Variants in EYA1 observed in about 807,000 individuals in gnomAD.
EYA1 encodes EYA transcriptional coactivator and phosphatase 1, also known as protein phosphatase EYA1.
In EYA1, 16 loss-of-function variants were observed where a neutral mutation model predicts 82.0. That is an observed-to-expected ratio of 0.20 (90% CI 0.13 to 0.30). EYA1 has a LOEUF of 0.30. Among genes scored for constraint, EYA1 ranks in the 10% least tolerant of loss-of-function variants. The probability of loss-of-function intolerance (pLI) is 1.00; values close to 1 mark genes in which losing one functional copy is unlikely to be tolerated. For synonymous variants in EYA1, 261 were observed against 264.4 expected, an observed-to-expected ratio of 0.99 and a Z score of 0.12; for missense variants, 633 against 730.7, an observed-to-expected ratio of 0.87 and a Z score of 1.54.
intron 9 of EYA1, among the ~76,000 whole-genome samples, chr8:71,283,337 C>G (rs537817813): frequency 3.9e-5 from 6 of 152,322 alleles, no homozygotes; most frequent in African/African-American, 9.6e-5. Flanking sequence ...AAACAGTTTA[C>G]CTGCCCTAAC....
chr8:71,466,520 G>A (rs1808781017), intron 2 of EYA1, among the ~76,000 whole-genome samples: 1 of 152,030 alleles, frequency 6.6e-6, no homozygotes, highest in Admixed American at 6.6e-5. Context: ...ACGAGAATAA[G>A]AATAACATGC....
intron 3 of EYA1, among the ~76,000 whole-genome samples, chr8:71,346,431 A>AATATTTAT (rs1825716746): frequency 1.9e-5 from 2 of 105,500 alleles, no homozygotes; most frequent in Admixed American, 2.4e-4. Context: ...TACTGCAGTG[A>AATATTTAT]ATATATATAT....
chr8:71,230,052 T>C (rs1811011255), intron 12 of EYA1, among the ~76,000 whole-genome samples: 2 of 152,040 alleles, frequency 1.3e-5, no homozygotes, highest in Non-Finnish European at 1.5e-5. Flanking sequence ...TGAGCCCAAA[T>C]AGAGGCCCTA....
intron 17 of EYA1, chr8:71,204,205 T>G (rs1192241349): frequency 6.6e-6 from 1 of 152,214 alleles, no homozygotes; most frequent in Non-Finnish European, 1.5e-5. Flanking sequence ...GGGAAAACAA[T>G]GACACATCCT....
At chr8:71,500,053 G>A (rs919303674) in intron 2 of EYA1, among the ~76,000 whole-genome samples, 6 of 152,154 alleles carry the variant, frequency 3.9e-5, no homozygotes, top group African/African-American at 1.2e-4. Context: ...AACACACAAC[G>A]ATGTCAATTT....
chr8:71,394,735 A>G (rs1311552341), intron 2 of EYA1, among the ~76,000 whole-genome samples: 3 of 152,104 alleles, frequency 2.0e-5, no homozygotes, highest in Non-Finnish European at 4.4e-5. Context: ...TGATGCCTCC[A>G]GTTTTGTTCT....
chr8:71,312,627 G>A (rs1001041129), intron 7 of EYA1, among the ~76,000 whole-genome samples: 8 of 152,048 alleles, frequency 5.3e-5, no homozygotes, highest in Admixed American at 1.3e-4. Context: ...TAATAGAGAC[G>A]GGGTTTTGCC....
intron 11 of EYA1, among the ~76,000 whole-genome samples, chr8:71,264,093 C>T (rs1563719712): frequency 6.6e-6 from 1 of 152,112 alleles, no homozygotes; most frequent in Non-Finnish European, 1.5e-5. Context: ...GTTTGCCAAC[C>T]CTTGGACTGG....
At chr8:71,276,669 G>A (rs1249679939) in intron 9 of EYA1, among the ~76,000 whole-genome samples, 3 of 152,122 alleles carry the variant, frequency 2.0e-5, no homozygotes, top group Non-Finnish European at 2.9e-5. Context: ...TTCCAGGATC[G>A]ATAGGCTCGT....
chr8:71,282,803 T>A (rs970688944), intron 9 of EYA1, among the ~76,000 whole-genome samples: 1 of 152,208 alleles, frequency 6.6e-6, no homozygotes, highest in Non-Finnish European at 1.5e-5. Flanking sequence ...CTCACAAGTT[T>A]AGGCCCTAAC....
chr8:71,275,088 T>G (rs1301831886), intron 9 of EYA1, among the ~76,000 whole-genome samples: 2 of 149,650 alleles, frequency 1.3e-5, no homozygotes, highest in African/African-American at 2.5e-5. Context: ...AACAACGGAG[T>G]GGGGGCTCAC....
intron 2 of EYA1, among the ~76,000 whole-genome samples, chr8:71,498,473 C>A (rs1047023835): frequency 6.6e-6 from 1 of 152,098 alleles, no homozygotes; most frequent in Non-Finnish European, 1.5e-5. Context: ...GATCTCAGAA[C>A]CCTTCTAGAT....
Position 71,395,881 on chromosome 8 carries a change from T to A in EYA1, c.34-39370A>T, listed in dbSNP as rs1416626504. On this transcript the variant is annotated intron_variant, in intron 2 of 18. Coordinates refer to the EYA1 transcript ENST00000643681. ...AGAAGGAATGGTACCAGCTCCTGTTTGTACATGTGGTAGAATTCGGCTGTG... is the reference window on the plus strand; with the variant it reads ...AGAAGGAATGGTACCAGCTCCTGTTAGTACATGTGGTAGAATTCGGCTGTG... 6.1e-4 allele frequency among the ~76,000 whole-genome samples: 93 copies of A among 152,308 alleles called. 1 individual carries two copies. In the East Asian group the frequency reaches 0.014, roughly 23 times the overall value.
At chr8:71,204,237 G>A (rs962348335) in intron 17 of EYA1, 7 of 152,080 alleles carry the variant, frequency 4.6e-5, no homozygotes, top group Non-Finnish European at 4.4e-5. Flanking sequence ...TTGCCTCCTG[G>A]AGCAACTTCA....
chr8:71,501,507 C>T (rs1811801726), intron 2 of EYA1, among the ~76,000 whole-genome samples: 1 of 152,198 alleles, frequency 6.6e-6, no homozygotes, highest in Admixed American at 6.5e-5. Context: ...AATTGTATGG[C>T]ATTCTCTATC....
intron 7 of EYA1, among the ~76,000 whole-genome samples, chr8:71,307,131 A>T (rs1820815866): frequency 6.6e-6 from 1 of 152,184 alleles, no homozygotes; most frequent in South Asian, 2.1e-4. Context: ...AGTTTGGAAG[A>T]ATGACTTTAA....
chr8:71,384,544 C>T (rs1563556868), intron 2 of EYA1, among the ~76,000 whole-genome samples: 1 of 152,202 alleles, frequency 6.6e-6, no homozygotes, highest in Non-Finnish European at 1.5e-5. Flanking sequence ...GCAGATACTC[C>T]ATCTCCTCGA....
At chr8:71,312,883 C>G (rs1821505816) in intron 7 of EYA1, among the ~76,000 whole-genome samples, 1 of 152,224 alleles carries the variant, frequency 6.6e-6, no homozygotes, top group South Asian at 2.1e-4. Context: ...AGTTTTCCAT[C>G]TCTACATAGC....
chr8:71,496,865 A>G (rs974716176), intron 2 of EYA1, among the ~76,000 whole-genome samples: 17 of 151,874 alleles, frequency 1.1e-4, no homozygotes, highest in African/African-American at 4.1e-4. Flanking sequence ...TATCTACCTC[A>G]CATTTTTTTA....
Sources: gnomAD v4.1 joint callset for allele counts (sites outside exome capture counted in the v4.1 genomes callset) on GRCh38, gnomAD v4.1.1 for gene constraint, MANE v1.5 for transcripts, NCBI Gene and HGNC (gene_info 2026-07-23, HGNC 2026-07-21) for gene names.